ANKRD44: variants seen among roughly 807,000 people sequenced by gnomAD.
ANKRD44 encodes serine/threonine-protein phosphatase 6 regulatory ankyrin repeat subunit B.
Under a neutral mutation model 116.0 loss-of-function variants are expected in ANKRD44, and 35 were observed. The ratio of observed to expected loss-of-function variants is 0.30; its 90% CI spans 0.23 to 0.40. ANKRD44 has a LOEUF of 0.40. Ranked by LOEUF, ANKRD44 falls within the 10% of genes least tolerant of loss-of-function variation. The probability of loss-of-function intolerance (pLI) is 1.00; values close to 1 mark genes in which losing one functional copy is unlikely to be tolerated. For synonymous variants in ANKRD44, 435 were observed against 461.8 expected (o/e 0.94, Z 0.74); for missense variants, 1,014 against 1,242.6 (o/e 0.82, Z 2.77).
chr2:197,260,477 T>C (rs1379105280), intron 1 of ANKRD44, among the ~76,000 whole-genome samples: 1 of 152,202 alleles, frequency 6.6e-6, no homozygotes, highest in Non-Finnish European at 1.5e-5. Context: ...GAATCCAGTC[T>C]ATCGTTGTTG....
At chr2:197,132,382 C>T (rs1228766130) in intron 4 of ANKRD44, among the ~76,000 whole-genome samples, 2 of 152,188 alleles carry the variant, frequency 1.3e-5, no homozygotes, top group Non-Finnish European at 2.9e-5. Flanking sequence ...ACTTTCTTGT[C>T]TATGGAGGAC....
chr2:197,176,209 G>A (rs1308357243), intron 2 of ANKRD44, among the ~76,000 whole-genome samples: 1 of 152,188 alleles, frequency 6.6e-6, no homozygotes, highest in Non-Finnish European at 1.5e-5. Context: ...CTCTGGACTT[G>A]CACATGGGAA....
At chr2:197,222,321 A>G (rs1170055587) in intron 1 of ANKRD44, among the ~76,000 whole-genome samples, 2 of 152,154 alleles carry the variant, frequency 1.3e-5, no homozygotes, top group Non-Finnish European at 2.9e-5. Flanking sequence ...AGCTGAAAAC[A>G]CAAAGGCAGG....
intron 16 of ANKRD44, among the ~76,000 whole-genome samples, chr2:197,076,795 G>A (rs2077677570): frequency 6.6e-6 from 1 of 151,744 alleles, no homozygotes; most frequent in East Asian, 2.0e-4. Context: ...TAAAGATTAT[G>A]TCCTCCAGCT....
Position 197,057,508 on chromosome 2 carries a change from C to G in ANKRD44, c.1650+21195G>C, listed in dbSNP as rs1559027290. On this transcript the variant is annotated intron_variant, in intron 16 of 27. Transcript: ENST00000282272. ...TTTTTTAAATTAAGAGATCTTTATTCTCCAGAACGTTATAATCTTCTGAAA... is the reference window on the plus strand; with the variant it reads ...TTTTTTAAATTAAGAGATCTTTATTGTCCAGAACGTTATAATCTTCTGAAA... Among the ~76,000 whole-genome samples, 3 of 152,128 alleles carry G rather than the reference C, an allele frequency of 2.0e-5. 1 individual carries two copies. In the East Asian group the frequency reaches 5.8e-4, roughly 29 times the overall value.
intron 2 of ANKRD44, among the ~76,000 whole-genome samples, chr2:197,184,017 C>T (rs927338413): frequency 4.6e-5 from 7 of 152,206 alleles, no homozygotes; most frequent in African/African-American, 1.7e-4. Context: ...TTGTTGACTT[C>T]TCTGCTATGT....
chr2:196,970,094 A>G (rs759902750), intron 21 of ANKRD44, among the ~76,000 whole-genome samples: 4 of 152,194 alleles, frequency 2.6e-5, no homozygotes, highest in Non-Finnish European at 5.9e-5. Flanking sequence ...ATAACTTTCC[A>G]TGATCCTAAA....
intron 17 of ANKRD44, among the ~76,000 whole-genome samples, chr2:197,013,962 A>C (rs2076343075): frequency 6.6e-6 from 1 of 152,284 alleles, no homozygotes; most frequent in African/African-American, 2.4e-5. Flanking sequence ...TTTGCTCCAA[A>C]GACACTGAAT....
chr2:197,145,022 T>C (rs971753361), intron 3 of ANKRD44, among the ~76,000 whole-genome samples: 2 of 152,320 alleles, frequency 1.3e-5, no homozygotes, highest in South Asian at 2.1e-4. Context: ...CTGGGCACGG[T>C]GGCTCACACC....
At chr2:197,273,979 AAATATATATATATATATATATATATATAT>A (rs1206852752) in intron 1 of ANKRD44, among the ~76,000 whole-genome samples, 5 of 49,996 alleles carry the variant, frequency 1.0e-4, no homozygotes, top group African/African-American at 4.0e-4. Context: ...AAAAAAAAAA[AAATATATATATATATATATATATATATAT>A]ATATATATAT....
intron 2 of ANKRD44, among the ~76,000 whole-genome samples, chr2:197,151,893 C>T (rs1030273474): frequency 2.0e-5 from 3 of 152,090 alleles, no homozygotes; most frequent in Non-Finnish European, 2.9e-5. Context: ...GAATACTTCC[C>T]CCAAACCCAT....
chr2:196,991,297 C>G (rs2075911137), intron 27 of ANKRD44, among the ~76,000 whole-genome samples: 1 of 152,078 alleles, frequency 6.6e-6, no homozygotes. Context: ...ATGTTTCCGC[C>G]TGAGAGCACA....
chr2:197,306,925 T>A (rs975064589), intron 1 of ANKRD44, among the ~76,000 whole-genome samples: 4 of 152,004 alleles, frequency 2.6e-5, no homozygotes, highest in Non-Finnish European at 5.9e-5. Flanking sequence ...GAAAGTAGTG[T>A]TCTGCCATCA....
chr2:197,123,612 C>G (rs1346942193), intron 6 of ANKRD44, among the ~76,000 whole-genome samples: 1 of 152,210 alleles, frequency 6.6e-6, no homozygotes, highest in Non-Finnish European at 1.5e-5. Flanking sequence ...GCCTGGGCAA[C>G]AGAGCGAGAC....
chr2:197,127,383 G>C (rs2078999791), intron 4 of ANKRD44, among the ~76,000 whole-genome samples: 1 of 152,150 alleles, frequency 6.6e-6, no homozygotes, highest in African/African-American at 2.4e-5. Flanking sequence ...ATTAAAAACA[G>C]ATAACTACCT....
In ANKRD44 at chr2:196,989,399, C is replaced by T. The variant is rs1232301266; in HGVS notation, c.*192G>A. 9 of 1,167,398 alleles carry T rather than the reference C, an allele frequency of 7.7e-6. No homozygotes were observed. Among genetic ancestry groups the T allele is most frequent in the African/African-American group, 3.2e-5 (2 of 62,650 alleles). The allele number at this position is 1,167,398 out of a possible 1,614,324, so 72.3% of individuals were successfully genotyped here. On this transcript the variant is annotated 3_prime_UTR_variant, in exon 28 of 28. Coordinates refer to ENST00000282272, the MANE Select transcript of ANKRD44 (RefSeq NM_001195144.2). ...TGGTACACAGAAAGATTACATTTAA[C>T]TCCATAAAAAAGCTACTTCAGTTCT...
At chr2:197,300,468 C>A (rs967419341) in intron 1 of ANKRD44, among the ~76,000 whole-genome samples, 2 of 152,288 alleles carry the variant, frequency 1.3e-5, no homozygotes, top group South Asian at 2.1e-4. Context: ...CTAATCAATA[C>A]CCCTAAGCAT....
chr2:197,188,020 G>T (rs2712907), intron 1 of ANKRD44, among the ~76,000 whole-genome samples: 4,940 of 152,312 alleles, frequency 0.032, 114 homozygotes, highest in Non-Finnish European at 0.05. Flanking sequence ...TTTTGTGTCG[G>T]TATTTGGAAA....
intron 9 of ANKRD44, among the ~76,000 whole-genome samples, chr2:197,101,476 G>A: frequency 6.6e-6 from 1 of 152,082 alleles, no homozygotes; most frequent in Non-Finnish European, 1.5e-5. Context: ...TTTCAGTTTG[G>A]GAAAAGAAAC....
Sources: gnomAD v4.1 joint callset for allele counts (sites outside exome capture counted in the v4.1 genomes callset) on GRCh38, gnomAD v4.1.1 for gene constraint, MANE v1.5 for transcripts, NCBI Gene and HGNC (gene_info 2026-07-23, HGNC 2026-07-21) for gene names.